The following MNAT1 variants were observed in gnomAD, a reference collection of about 807,000 sequenced individuals.
The protein encoded by MNAT1 is MNAT1 component of CDK activating kinase.
MNAT1 carries 43 observed loss-of-function variants against 42.0 expected under a neutral mutation model. The observed-to-expected ratio is 1.02, with a 90% confidence interval of 0.80 to 1.32. The LOEUF is 1.32. Ranked by LOEUF, MNAT1 falls within the 40% of genes most tolerant of loss-of-function variation. The probability of loss-of-function intolerance (pLI) is 0.00; values close to 1 mark genes in which losing one functional copy is unlikely to be tolerated. For synonymous variants in MNAT1, 118 were observed against 120.0 expected (o/e 0.98, Z 0.11); for missense variants, 306 against 350.4 (o/e 0.87, Z 1.01).
At chr14:60,936,208 G>A (rs541103187) in intron 7 of MNAT1, among the ~76,000 whole-genome samples, 32 of 152,202 alleles carry the variant, frequency 2.1e-4, no homozygotes, top group African/African-American at 5.1e-4. Context: ...GAGATTCTCC[G>A]GAGACCCCTT....
chr14:60,948,780 A>C (rs1566575283), intron 7 of MNAT1, among the ~76,000 whole-genome samples: 1 of 152,212 alleles, frequency 6.6e-6, no homozygotes, highest in African/African-American at 2.4e-5. Context: ...AGATATGTTA[A>C]TTGAATAGTT....
intron 6 of MNAT1, among the ~76,000 whole-genome samples, chr14:60,857,234 A>T (rs950321710): frequency 6.6e-6 from 1 of 152,250 alleles, no homozygotes; most frequent in African/African-American, 2.4e-5. Context: ...TGTTTTCAAA[A>T]TGTCAACATT....
intron 6 of MNAT1, among the ~76,000 whole-genome samples, chr14:60,876,066 A>G (rs2034430456): frequency 6.6e-6 from 1 of 151,938 alleles, no homozygotes; most frequent in Non-Finnish European, 1.5e-5. Flanking sequence ...AATGCTGGAC[A>G]TTTTTTATCA....
intron 7 of MNAT1, among the ~76,000 whole-genome samples, chr14:60,959,413 GTCTCT>G (rs1297361538): frequency 1.3e-5 from 2 of 152,202 alleles, no homozygotes; most frequent in African/African-American, 4.8e-5. Context: ...ACCCATGCCA[GTCTCT>G]TCAGCAATCT....
At position 60,869,040 on chromosome 14, in the gene MNAT1, A is replaced by ATATATATATATATATATTTTT. The variant is rs1465360826; in HGVS notation, c.688-10673_688-10672insATATATATATATATATTTTTT. On this transcript the variant is annotated intron_variant, in intron 6 of 7. Coordinates refer to ENST00000261245, the MANE Select transcript of MNAT1 (RefSeq NM_002431.4). ...ATTTTATACATATATATATATATAT[A>ATATATATATATATATATTTTT]TTTTTTTTTTTTTTTTTGAGACGGA... Among the ~76,000 whole-genome samples, 90 of 112,998 alleles carry ATATATATATATATATATTTTT rather than the reference A, an allele frequency of 8.0e-4. 1 individual carries two copies. The highest frequency in any genetic ancestry group is 6.2e-4 in the Non-Finnish European group (34 of 54,708). The allele number at this position is 112,998 out of a possible 152,430, so 74.1% of individuals were successfully genotyped here. A position where few individuals can be genotyped will look rare whatever the true frequency, so the allele number is the denominator to read the frequency against.
At chr14:60,953,236 C>T (rs7141013) in intron 7 of MNAT1, among the ~76,000 whole-genome samples, 138,643 of 152,232 alleles carry the variant, frequency 0.91, 63,749 homozygotes, top group Non-Finnish European at 0.99. Flanking sequence ...ATGTATTATA[C>T]GTATGTATAT....
intron 6 of MNAT1, among the ~76,000 whole-genome samples, chr14:60,860,313 AT>A (rs1444731534): frequency 6.7e-6 from 1 of 148,842 alleles, no homozygotes; most frequent in Non-Finnish European, 1.5e-5. Context: ...TATTTATTTA[AT>A]TCTTTACAAG....
chr14:60,908,460 A>G (rs1394591952), intron 7 of MNAT1, among the ~76,000 whole-genome samples: 3 of 151,844 alleles, frequency 2.0e-5, no homozygotes, highest in Non-Finnish European at 4.4e-5. Context: ...TTCTAATGCT[A>G]TCCCTCCCCC....
intron 1 of MNAT1, among the ~76,000 whole-genome samples, chr14:60,777,411 C>T (rs1410230577): frequency 6.6e-6 from 1 of 151,984 alleles, no homozygotes; most frequent in African/African-American, 2.4e-5. Flanking sequence ...ACAGCAAGAC[C>T]TCGTCTTTAC....
At chr14:60,742,569 G>A (rs1019952319) in intron 1 of MNAT1, among the ~76,000 whole-genome samples, 1 of 152,096 alleles carries the variant, frequency 6.6e-6, no homozygotes, top group Non-Finnish European at 1.5e-5. Flanking sequence ...TAAAGTGTAC[G>A]TTTCAATGGC....
At chr14:60,837,428 G>A (rs1473176778) in intron 6 of MNAT1, among the ~76,000 whole-genome samples, 4 of 152,274 alleles carry the variant, frequency 2.6e-5, no homozygotes, top group South Asian at 4.1e-4. Context: ...GGAGGGCACC[G>A]TTCCTCACGG....
At chr14:60,888,502 AC>A (rs752981696) in intron 7 of MNAT1, among the ~76,000 whole-genome samples, 1 of 152,084 alleles carries the variant, frequency 6.6e-6, no homozygotes, top group African/African-American at 2.4e-5. Flanking sequence ...TACAGAATGG[AC>A]AAAAAATGGA....
At chr14:60,899,554 G>C (rs1188237936) in intron 7 of MNAT1, among the ~76,000 whole-genome samples, 1 of 152,108 alleles carries the variant, frequency 6.6e-6, no homozygotes, top group African/African-American at 2.4e-5. Flanking sequence ...GAACCTGATG[G>C]TAATTAGAAG....
At chr14:60,896,476 C>A (rs1307266296) in intron 7 of MNAT1, among the ~76,000 whole-genome samples, 1 of 152,110 alleles carries the variant, frequency 6.6e-6, no homozygotes, top group Non-Finnish European at 1.5e-5. Context: ...AGTTATTAAT[C>A]AAATATAACT....
At chr14:60,774,393 A>G (rs4151176) in intron 1 of MNAT1, among the ~76,000 whole-genome samples, 143,990 of 152,250 alleles carry the variant, frequency 0.95, 68,366 homozygotes, top group Non-Finnish European at 0.99. Flanking sequence ...AATGAAGCTG[A>G]AGAGTTAGGT....
At chr14:60,780,643 C>T (rs2031425110) in intron 1 of MNAT1, 1 of 1,171,224 alleles carries the variant, frequency 8.5e-7, no homozygotes, top group South Asian at 1.5e-5. Flanking sequence ...ATGTGGTTTT[C>T]CTGAAATCAA....
rs771068879 is a variant in MNAT1, at chr14:60,818,849, T to C, written c.687+2T>C. On this transcript the variant is annotated splice_donor_variant, in intron 6 of 7. Transcript: ENST00000261245. LOFTEE classifies it high-confidence loss of function. ...ACGTTTTCCACAGGCATCAAAATGG[T>C]AAGCCTTATTTTAATTGCTTGTTTG... The C allele has an allele frequency of 6.2e-7, 1 of 1,609,132 alleles. No individual in the cohort carries two copies. The highest frequency in any genetic ancestry group is 2.2e-5 in the East Asian group (1 of 44,778).
At chr14:60,890,336 G>T (rs538956545) in intron 7 of MNAT1, among the ~76,000 whole-genome samples, 211 of 152,242 alleles carry the variant, frequency 1.4e-3, no homozygotes, top group Non-Finnish European at 2.5e-3. Context: ...GTATGTTGTT[G>T]ATTGCATCTC....
At chr14:60,839,843 T>C (rs1410341808) in intron 6 of MNAT1, among the ~76,000 whole-genome samples, 2 of 152,238 alleles carry the variant, frequency 1.3e-5, no homozygotes, top group Non-Finnish European at 2.9e-5. Context: ...TGCCTGGCTG[T>C]GCGCTCTTGC....
Sources: gnomAD v4.1 joint callset for allele counts (sites outside exome capture counted in the v4.1 genomes callset) on GRCh38, gnomAD v4.1.1 for gene constraint, MANE v1.5 for transcripts, NCBI Gene and HGNC (gene_info 2026-07-23, HGNC 2026-07-21) for gene names.